Variants in CCDC13 observed in about 807,000 individuals in gnomAD.
CCDC13 encodes coiled-coil domain containing 13.
CCDC13 carries 70 observed loss-of-function variants against 87.3 expected under a neutral mutation model. That is an observed-to-expected ratio of 0.80 (90% CI 0.66 to 0.98). The LOEUF (loss-of-function observed/expected upper bound fraction) is 0.98. CCDC13 is among the 50% of genes least tolerant of loss of function. CCDC13 has a pLI of 0.00. For synonymous variants in CCDC13, 317 were observed against 360.3 expected (o/e 0.88, Z 1.36); for missense variants, 842 against 892.0 (o/e 0.94, Z 0.71).
chr3:42,710,699 G>C (rs1698289962), intron 14 of CCDC13, among the ~76,000 whole-genome samples: 1 of 152,152 alleles, frequency 6.6e-6, no homozygotes, highest in Non-Finnish European at 1.5e-5. Flanking sequence ...GCCAGGCATG[G>C]AGGCATGCAC....
intron 7 of CCDC13, among the ~76,000 whole-genome samples, chr3:42,743,674 A>T (rs1223748219): frequency 2.0e-5 from 3 of 148,006 alleles, no homozygotes; most frequent in Non-Finnish European, 4.4e-5. Flanking sequence ...TATATATATA[A>T]AATTTGGTAG....
chr3:42,767,557 A>G (rs1699955467), intron 1 of CCDC13, among the ~76,000 whole-genome samples: 2 of 152,252 alleles, frequency 1.3e-5, no homozygotes, highest in Admixed American at 6.5e-5. Flanking sequence ...AAATCCCAGC[A>G]AATTACTGTA....
downstream of CCDC13, chr3:42,704,521 G>C (rs1243066811): frequency 1.3e-5 from 2 of 152,354 alleles, no homozygotes; most frequent in East Asian, 3.9e-4. Flanking sequence ...CTCATAAACA[G>C]AGGCTATTAG....
chr3:42,756,352 C>T (rs762842346), intron 3 of CCDC13, among the ~76,000 whole-genome samples: 3 of 152,196 alleles, frequency 2.0e-5, no homozygotes, highest in African/African-American at 4.8e-5. Context: ...CAGCTCACAA[C>T]CATGATCAAA....
intron 3 of CCDC13, among the ~76,000 whole-genome samples, chr3:42,754,831 T>C (rs1257422761): frequency 1.3e-5 from 2 of 152,088 alleles, no homozygotes. Context: ...ATCCTCTGGG[T>C]ATTTTTTTTT....
intron 1 of CCDC13, chr3:42,770,916 C>G (rs1019762439): frequency 5.9e-5 from 9 of 152,228 alleles, no homozygotes; most frequent in Non-Finnish European, 8.8e-5. Context: ...AAGGAAGAAA[C>G]AAACTCCAGA....
chr3:42,758,342 C>T lies in CCDC13; in HGVS notation c.4G>A (p.Ala2Thr), dbSNP rs1559661229. 3.7e-6 allele frequency: 6 copies of T among 1,612,124 alleles called. 1 individual carries two copies. Among genetic ancestry groups the T allele is most frequent in the Non-Finnish European group, 5.1e-6 (6 of 1,180,008 alleles). The change falls in exon 2 of 16, where the codon GCA becomes ACA. Residue 2 changes from alanine to threonine, a missense_variant. Ala to Thr is a moderately conservative substitution (Grantham distance 58). Transcript: ENST00000310232. Reference protein sequence around the residue: MAADESSQNTLR... With the variant: MTADESSQNTLR... ...GTGTTCTGTGAGCTTTCATCTGCTG[C>T]CATCCTGCCCTAGGCATCAGAAATG...
Position 42,743,162 on chromosome 3 carries a change from T to C in CCDC13, c.826-105A>G, listed in dbSNP as rs116673225. 907 of 1,309,226 alleles carry C rather than the reference T, an allele frequency of 6.9e-4. 5 individuals are homozygous for C. The African/African-American group carries it at 0.012, about 17-fold the overall frequency. The allele number at this position is 1,309,226 out of a possible 1,614,324, so 81.1% of individuals were successfully genotyped here. A position where few individuals can be genotyped will look rare whatever the true frequency, so the allele number is the denominator to read the frequency against. On this transcript the variant is annotated intron_variant, in intron 7 of 15. Coordinates refer to ENST00000310232, the MANE Select transcript of CCDC13 (RefSeq NM_144719.4). ...CAGACTGAAGATGGAACCACCTCTC[T>C]AGATGGCTGTGGTAGCCCCATCTGA...
chr3:42,758,425 G>C (rs1239958802), intron 1 of CCDC13, 74 bp from the exon 2 acceptor site: 1 of 1,431,674 alleles, frequency 7.0e-7, no homozygotes, highest in African/African-American at 1.4e-5. Context: ...CGCCCTGTCT[G>C]CAGCCCCAGC....
intron 1 of CCDC13, 90 bp from the exon 2 acceptor site, chr3:42,758,441 A>G (rs1699757952): frequency 7.8e-7 from 1 of 1,273,908 alleles, no homozygotes; most frequent in African/African-American, 1.5e-5. Context: ...CCAGCCTTGG[A>G]GTTTACTGCT....
chr3:42,710,496 G>T (rs1698284523), intron 14 of CCDC13, among the ~76,000 whole-genome samples: 1 of 152,114 alleles, frequency 6.6e-6, no homozygotes, highest in Non-Finnish European at 1.5e-5. Context: ...CTTCATACTA[G>T]GAAGCAGGGG....
At chr3:42,709,657 T>G (rs756564493) in intron 15 of CCDC13, 27 bp downstream of exon 15, 1 of 1,582,162 alleles carries the variant, frequency 6.3e-7, no homozygotes, top group Non-Finnish European at 8.7e-7. Context: ...AACCCTACCC[T>G]TTCAGGAAGG....
chr3:42,739,913 G>T, intron 8 of CCDC13, 103 bp from the exon 9 acceptor site: 1 of 1,125,892 alleles, frequency 8.9e-7, no homozygotes, highest in Non-Finnish European at 1.3e-6. Context: ...GCTGGGGGTG[G>T]GGGTGCTTGT....
intron 1 of CCDC13, chr3:42,770,678 C>G (rs749279570): frequency 3.3e-5 from 5 of 152,462 alleles, no homozygotes; most frequent in Non-Finnish European, 5.9e-5. Flanking sequence ...CTACTGCTCA[C>G]TCTTTGGGTC....
At chr3:42,750,301 C>T (rs1009604220) in intron 5 of CCDC13, among the ~76,000 whole-genome samples, 2 of 152,186 alleles carry the variant, frequency 1.3e-5, no homozygotes, top group African/African-American at 2.4e-5. Flanking sequence ...CCTCCTCCGT[C>T]CCACCTTCCA....
chr3:42,770,945 T>C (rs1700070286), intron 1 of CCDC13: 3 of 152,210 alleles, frequency 2.0e-5, no homozygotes, highest in African/African-American at 7.2e-5. Context: ...CTTTAAGAAC[T>C]GTAATAACAC....
At chr3:42,763,989 A>T (rs1468538748) in intron 1 of CCDC13, among the ~76,000 whole-genome samples, 2 of 152,212 alleles carry the variant, frequency 1.3e-5, no homozygotes, top group Non-Finnish European at 2.9e-5. Flanking sequence ...AAAGCAGGAC[A>T]ACTCCAAGGT....
At chr3:42,737,376 G>A (rs1016659264) in intron 9 of CCDC13, among the ~76,000 whole-genome samples, 9 of 152,172 alleles carry the variant, frequency 5.9e-5, no homozygotes, top group Admixed American at 6.5e-5. Context: ...GTAAACATAC[G>A]TGTGCATGCG....
At chr3:42,741,574 T>C (rs1326428865) in intron 8 of CCDC13, among the ~76,000 whole-genome samples, 1 of 152,092 alleles carries the variant, frequency 6.6e-6, no homozygotes, top group Non-Finnish European at 1.5e-5. Context: ...CTGTCTCTAC[T>C]AAATATATAA....
Sources: allele counts gnomAD v4.1 joint callset (sites outside exome capture counted in the v4.1 genomes callset), GRCh38; gene constraint gnomAD v4.1.1; transcripts MANE v1.5; gene names NCBI Gene and HGNC (gene_info 2026-07-23, HGNC 2026-07-21).